The following BTAF1 variants were observed in gnomAD, a reference collection of about 807,000 sequenced individuals.
BTAF1 encodes the protein B-TFIID TATA-box binding protein associated factor 1, also known as TATA-binding protein-associated factor 172.
In BTAF1, 38 loss-of-function variants were observed where a neutral mutation model predicts 227.1. The observed-to-expected ratio is 0.17, with a 90% CI of 0.13 to 0.22. The LOEUF (loss-of-function observed/expected upper bound fraction) is 0.22. Among genes scored for constraint, BTAF1 ranks in the 10% least tolerant of loss-of-function variants. The pLI is 1.00. For missense variants in BTAF1, 1,598 were observed against 2,204.0 expected, an observed-to-expected ratio of 0.73 and a Z score of 5.51; for synonymous variants, 742 against 751.9, an observed-to-expected ratio of 0.99 and a Z score of 0.21.
chr10:92,000,885 C>T (rs998408670), intron 25 of BTAF1, among the ~76,000 whole-genome samples: 5 of 152,088 alleles, frequency 3.3e-5, no homozygotes, highest in African/African-American at 1.2e-4. Context: ...TACTTGATAA[C>T]AGATTGACAA....
chr10:92,025,125 A>G (rs1590004705), intron 35 of BTAF1, among the ~76,000 whole-genome samples, 158 bp downstream of exon 35: 1 of 152,194 alleles, frequency 6.6e-6, no homozygotes, highest in African/African-American at 2.4e-5. Flanking sequence ...ATAGAACTAC[A>G]TAAATATAAT....
intron 1 of BTAF1, among the ~76,000 whole-genome samples, chr10:91,928,492 A>G (rs920416102): frequency 1.3e-5 from 2 of 152,206 alleles, no homozygotes; most frequent in African/African-American, 4.8e-5. Flanking sequence ...CGGATGCCGG[A>G]AAGTCAGCTA....
At chr10:91,997,796 C>T (rs762164560) in intron 25 of BTAF1, 45 bp downstream of exon 25, 3 of 1,590,564 alleles carry the variant, frequency 1.9e-6, no homozygotes, top group Admixed American at 1.7e-5. Context: ...TTTTCTATAA[C>T]TTGATCCATA....
chr10:91,964,619 A>G (rs1331665826), intron 13 of BTAF1, among the ~76,000 whole-genome samples: 1 of 152,040 alleles, frequency 6.6e-6, no homozygotes, highest in Non-Finnish European at 1.5e-5. Context: ...TGTAATGTTC[A>G]TGTCTTCAAC....
intron 3 of BTAF1, among the ~76,000 whole-genome samples, chr10:91,941,431 A>C (rs1409503915): frequency 6.6e-6 from 1 of 152,238 alleles, no homozygotes; most frequent in African/African-American, 2.4e-5. Context: ...CCAGCTAAAC[A>C]AACTATTAAG....
intron 1 of BTAF1, among the ~76,000 whole-genome samples, chr10:91,925,040 G>A (rs1046844082): frequency 1.2e-4 from 18 of 152,116 alleles, no homozygotes; most frequent in African/African-American, 4.1e-4. Flanking sequence ...TTCTTTGAGC[G>A]TATTAAGTGC....
rs771854813 is a variant in BTAF1, at chr10:92,013,757, C to A, written c.4402C>A (p.Pro1468Thr). The change falls in exon 31 of 38, where the codon CCT (proline) becomes ACT (threonine). Residue 1468 changes from proline to threonine, a missense_variant. By Grantham distance (38) the Pro-to-Thr change is conservative. Around this residue, in one of 10 missense-constraint regions of BTAF1, gnomAD observed 184 missense variants for 341.1 expected, o/e 0.54. Coordinates refer to ENST00000265990, the MANE Select transcript of BTAF1 (RefSeq NM_003972.3). ...CCAGTTTGCTGCTCGATATGGTAAA[C>A]CTATATTAGCAAGTAGGGATGCTCG... ...ERQFAARYGK[P>T]ILASRDARSS... 3.7e-6 allele frequency: 6 copies of A among 1,613,962 alleles called. No individual in the cohort carries two copies. The Admixed American group carries it at 8.3e-5, about 22-fold the overall frequency.
intron 14 of BTAF1, among the ~76,000 whole-genome samples, chr10:91,976,306 A>G (rs1299357454): frequency 6.6e-6 from 1 of 152,186 alleles, no homozygotes; most frequent in Non-Finnish European, 1.5e-5. Flanking sequence ...TCACCAACCC[A>G]TAAACCCATA....
At position 92,013,767 on chromosome 10, in the gene BTAF1, C is replaced by T; in HGVS notation, c.4412C>T (p.Ala1471Val). The change falls in exon 31 of 38, where the codon GCA becomes GTA. Residue 1471 changes from alanine (A) to valine (V), a missense_variant. Coordinates refer to ENST00000265990, the MANE Select transcript of BTAF1 (RefSeq NM_003972.3). ...GCTCGATATGGTAAACCTATATTAGCAAGTAGGGATGCTCGAAGCTCCAGT... is the reference window on the plus strand; with the variant it reads ...GCTCGATATGGTAAACCTATATTAGTAAGTAGGGATGCTCGAAGCTCCAGT... ...FAARYGKPILASRDARSSSRE... is the reference protein window; with the variant it reads ...FAARYGKPILVSRDARSSSRE... 1 of 1,613,890 alleles carries T rather than the reference C, an allele frequency of 6.2e-7. No individual in the cohort carries two copies. Among genetic ancestry groups the T allele is most frequent in the Non-Finnish European group, 8.5e-7 (1 of 1,180,016 alleles).
chr10:91,979,903 T>C (rs1005263922), intron 14 of BTAF1, among the ~76,000 whole-genome samples: 1 of 152,178 alleles, frequency 6.6e-6, no homozygotes, highest in African/African-American at 2.4e-5. Context: ...TAACATAGTG[T>C]ACATAGTTTT....
chr10:91,993,676 C>G lies in BTAF1; in HGVS notation c.3046-18C>G. Reference sequence around the variant, plus strand: ...ATTTTTTCTGAAATTCTGTTTTTATCTAACATTTAATTTTAAGGCCCAGAA... The same window carrying G: ...ATTTTTTCTGAAATTCTGTTTTTATGTAACATTTAATTTTAAGGCCCAGAA... On this transcript the variant is annotated intron_variant, in intron 21 of 37. Coordinates refer to ENST00000265990, the MANE Select transcript of BTAF1 (RefSeq NM_003972.3). 7.0e-7 allele frequency: 1 copy of G among 1,423,854 alleles called. No individual in the cohort carries two copies. The highest frequency in any genetic ancestry group is 9.3e-7 in the Non-Finnish European group (1 of 1,076,990). 88.2% of individuals were successfully genotyped at this position (1,423,854 alleles called of 1,614,324 possible).
At position 91,999,786 on chromosome 10, in the gene BTAF1, A is replaced by T. The variant is rs574350549; in HGVS notation, c.3660+2035A>T. On this transcript the variant is annotated intron_variant, in intron 25 of 37. Transcript: ENST00000265990. Reference sequence around the variant, plus strand: ...GTAAATCATGTACTGTTATACTGCAAGAAGACAAACCACAGACACATACAG... The same window carrying T: ...GTAAATCATGTACTGTTATACTGCATGAAGACAAACCACAGACACATACAG... Among the ~76,000 whole-genome samples, 13 of 152,376 alleles carry T rather than the reference A, an allele frequency of 8.5e-5. No individual in the cohort carries two copies. The South Asian group carries it at 2.7e-3, about 32-fold the overall frequency.
chr10:91,932,066 G>A (rs980590349), intron 1 of BTAF1, among the ~76,000 whole-genome samples: 2 of 152,082 alleles, frequency 1.3e-5, no homozygotes, highest in African/African-American at 4.8e-5. Context: ...GGGATAAAAG[G>A]ATCTGCAAAA....
At chr10:91,997,572 C>T (rs1454825739) in intron 24 of BTAF1, 31 bp from the exon 25 acceptor site, 28 of 1,600,216 alleles carry the variant, frequency 1.7e-5, no homozygotes, top group Non-Finnish European at 2.1e-5. Context: ...GTCTTGGAAC[C>T]ATTTCAAAAT....
At chr10:92,026,567 T>C in intron 35 of BTAF1, 25 bp from the exon 36 acceptor site, 1 of 1,569,576 alleles carries the variant, frequency 6.4e-7, no homozygotes, top group Non-Finnish European at 8.7e-7. Flanking sequence ...AATGGACTAA[T>C]TTTATTTTTG....
At position 91,997,664 on chromosome 10, in the gene BTAF1, A is replaced by T. The variant is rs541583849; in HGVS notation, c.3573A>T (p.Val1191=). Residue 1191 remains valine (V), a synonymous_variant, in exon 25 of 38, where the codon GTA becomes GTT. Transcript: ENST00000265990. The part of the protein sequence containing the change: ...VPYIVLLVVP[V]LGRMSDQTDS... ...ATATTGTCCTTTTAGTTGTTCCTGT[A>T]TTAGGAAGAATGAGTGATCAGACAG... is the stretch of plus-strand genomic sequence containing the variant. The T allele has an allele frequency of 1.9e-6, 3 of 1,613,830 alleles. No individual in the cohort carries two copies. The highest frequency in any genetic ancestry group is 2.5e-6 in the Non-Finnish European group (3 of 1,179,732).
At chr10:91,964,749 A>G (rs1228764964) in intron 13 of BTAF1, among the ~76,000 whole-genome samples, 2 of 152,156 alleles carry the variant, frequency 1.3e-5, no homozygotes, top group African/African-American at 2.4e-5. Flanking sequence ...AGTGTCACCA[A>G]TTTTCCTGTC....
At chr10:91,925,564 T>G (rs1589722000) in intron 1 of BTAF1, among the ~76,000 whole-genome samples, 1 of 136,772 alleles carries the variant, frequency 7.3e-6, no homozygotes, top group African/African-American at 2.5e-5. Flanking sequence ...CAGGCTGGAG[T>G]GCAGTGGCGA....
intron 8 of BTAF1, among the ~76,000 whole-genome samples, chr10:91,957,579 T>C (rs975024228): frequency 6.6e-6 from 1 of 152,228 alleles, no homozygotes; most frequent in African/African-American, 2.4e-5. Flanking sequence ...CTTCCTTTCC[T>C]TTGGAAGTGG....
Sources: allele counts gnomAD v4.1 joint callset (sites outside exome capture counted in the v4.1 genomes callset), GRCh38; gene constraint gnomAD v4.1.1; regional missense constraint gnomAD v4.1.1; transcripts MANE v1.5; gene names NCBI Gene and HGNC (gene_info 2026-07-23, HGNC 2026-07-21).